ADGRD1: variants seen among roughly 807,000 people sequenced by gnomAD.
ADGRD1 encodes adhesion G protein-coupled receptor D1.
In ADGRD1, 77 loss-of-function variants were observed where a neutral mutation model predicts 113.4. That is an observed-to-expected ratio of 0.68 (90% CI 0.57 to 0.82). The LOEUF (loss-of-function observed/expected upper bound fraction) is 0.82, where lower values mean the gene tolerates loss of function less well. Among genes scored for constraint, ADGRD1 ranks in the 40% least tolerant of loss-of-function variants. The pLI, the probability that ADGRD1 is intolerant of heterozygous loss-of-function variation, is 0.00. For synonymous variants in ADGRD1, 474 were observed against 475.0 expected (o/e 1.00, Z 0.03); for missense variants, 1,036 against 1,139.1 (o/e 0.91, Z 1.30).
rs773655525 is a variant in ADGRD1 at position 131,105,775 on chromosome 12, C to T, written c.1797C>T (p.Asn599=). ...AVLSSVSTIR[N]QRYHIHANLS... ...TCAGCTCCGTGAGCACCATCCGGAA[C>T]CAGCGCTACCACATCCACGCCAACC... Residue 599 remains asparagine, a synonymous_variant, in exon 17 of 25, where the codon AAC becomes AAT. Transcript: ENST00000261654. 9 of 1,601,418 alleles carry T rather than the reference C, an allele frequency of 5.6e-6. No homozygotes were observed. In the Admixed American group the frequency reaches 1.5e-4, roughly 27 times the overall value.
chr12:131,094,051 C>T (rs1887106946), intron 15 of ADGRD1, among the ~76,000 whole-genome samples: 1 of 150,794 alleles, frequency 6.6e-6, no homozygotes, highest in South Asian at 2.1e-4. Flanking sequence ...AGTCCCCAGC[C>T]TCAGCACCCA....
chr12:130,980,555 AC>A (rs1274416795), intron 4 of ADGRD1: 1 of 151,298 alleles, frequency 6.6e-6, no homozygotes, highest in Non-Finnish European at 1.5e-5. Context: ...ATGCCACCAC[AC>A]CCGGCCAATT....
chr12:131,070,034 G>A (rs781717366), intron 13 of ADGRD1: 2 of 152,188 alleles, frequency 1.3e-5, no homozygotes, highest in African/African-American at 2.4e-5. Flanking sequence ...CTATTCCCAC[G>A]GAGATGAAGC....
intron 21 of ADGRD1, among the ~76,000 whole-genome samples, chr12:131,135,379 G>T (rs1191697250): frequency 6.6e-6 from 1 of 152,202 alleles, no homozygotes; most frequent in Non-Finnish European, 1.5e-5. Context: ...GATGGGGCTG[G>T]TGTGTTCAGC....
At chr12:131,130,742 GC>G (rs1438999592) in intron 20 of ADGRD1, among the ~76,000 whole-genome samples, 1 of 151,114 alleles carries the variant, frequency 6.6e-6, no homozygotes, top group Non-Finnish European at 1.5e-5. Flanking sequence ...AGCGAGGCCG[GC>G]CCATCCCGTG....
chr12:130,982,772 C>CG (rs1034775763), intron 5 of ADGRD1, among the ~76,000 whole-genome samples: 5 of 152,008 alleles, frequency 3.3e-5, no homozygotes, highest in African/African-American at 1.2e-4. Context: ...GAGACATGGA[C>CG]GTGGGGCAGT....
chr12:131,134,231 C>T (rs965594163), intron 21 of ADGRD1, among the ~76,000 whole-genome samples: 1 of 152,176 alleles, frequency 6.6e-6, no homozygotes, highest in Non-Finnish European at 1.5e-5. Context: ...CCCCCTAGGC[C>T]AGGGCCAACC....
Position 131,138,227 on chromosome 12 carries a change from C to T in ADGRD1, c.2527C>T (p.Leu843Phe), listed in dbSNP as rs1316935707. The change falls in exon 24 of 25, where the codon CTC becomes TTC. Residue 843 changes from leucine to phenylalanine, a missense_variant and splice_region_variant. Coordinates refer to ENST00000261654, the MANE Select transcript of ADGRD1 (RefSeq NM_198827.5). ...TSNAKPFHSDLMNGTRPGMAS... is the reference protein window; with the variant it reads ...TSNAKPFHSDFMNGTRPGMAS... Reference sequence around the variant, plus strand: ...CAACGCGAAGCCCTTCCACTCGGACCTCGTGAGTGCAGCCTCCATAAACCG... The same window carrying T: ...CAACGCGAAGCCCTTCCACTCGGACTTCGTGAGTGCAGCCTCCATAAACCG... The T allele has an allele frequency of 6.2e-7, 1 of 1,612,184 alleles. No individual in the cohort carries two copies. The highest frequency in any genetic ancestry group is 8.5e-7 in the Non-Finnish European group (1 of 1,178,908).
intron 4 of ADGRD1, among the ~76,000 whole-genome samples, chr12:130,974,708 A>AT (rs1240465687): frequency 2.0e-5 from 3 of 152,110 alleles, no homozygotes; most frequent in East Asian, 1.9e-4. Flanking sequence ...ATTTTCAGCG[A>AT]TTTTTTAACA....
intron 9 of ADGRD1, among the ~76,000 whole-genome samples, chr12:131,002,185 T>TA (rs34926276): frequency 0.48 from 72,777 of 152,112 alleles, 17,960 homozygotes; most frequent in African/African-American, 0.57. Flanking sequence ...TGCATGATTT[T>TA]AATTAACTGC....
intron 15 of ADGRD1, among the ~76,000 whole-genome samples, chr12:131,094,284 G>T (rs1887127082): frequency 6.6e-6 from 1 of 152,178 alleles, no homozygotes; most frequent in African/African-American, 2.4e-5. Context: ...AGTGGGAGTG[G>T]GGTGGGGTGG....
intron 16 of ADGRD1, 119 bp from the exon 17 acceptor site, chr12:131,105,635 G>T: frequency 2.8e-6 from 2 of 703,368 alleles, no homozygotes; most frequent in South Asian, 3.4e-5. Context: ...GGGAGTGACA[G>T]CAACCCCTCT....
chr12:131,018,616 GT>G (rs1310047986), intron 13 of ADGRD1, among the ~76,000 whole-genome samples: 16 of 152,342 alleles, frequency 1.1e-4, no homozygotes, highest in African/African-American at 3.8e-4. Context: ...GCTTGAGTCA[GT>G]TATGACCGGT....
intron 13 of ADGRD1, chr12:131,070,728 C>G (rs1250563818): frequency 2.1e-6 from 1 of 475,990 alleles, no homozygotes; most frequent in Non-Finnish European, 4.3e-6. Context: ...GCTCCACCCA[C>G]AGCACTATCC....
rs1365342160 is a variant in ADGRD1, at chr12:131,041,697, G to A, written c.1473+27357G>A. On this transcript the variant is annotated intron_variant, in intron 13 of 24. Transcript: ENST00000261654. This position sits in a 1 kb window ranked among gnomAD's most constrained non-coding sequence, Gnocchi z 4.4. ...CCAGGTGCCAGAGTGGACATGTCAT[G>A]CATGAATCAGGGAGCAGTTCCCGGG... Among the ~76,000 whole-genome samples, 1 of 152,198 alleles carries A rather than the reference G, an allele frequency of 6.6e-6. No individual in the cohort carries two copies. The highest frequency in any genetic ancestry group is 1.5e-5 in the Non-Finnish European group (1 of 68,028).
At chr12:131,121,262 C>T (rs747207919) in intron 20 of ADGRD1, among the ~76,000 whole-genome samples, 6 of 152,248 alleles carry the variant, frequency 3.9e-5, no homozygotes, top group Non-Finnish European at 5.9e-5. Flanking sequence ...GCTCAGGAGT[C>T]ACCAGGACTC....
At chr12:131,110,193 T>C (rs1950319317) in intron 18 of ADGRD1, among the ~76,000 whole-genome samples, 1 of 152,244 alleles carries the variant, frequency 6.6e-6, no homozygotes, top group African/African-American at 2.4e-5. Context: ...CTTTCCCATG[T>C]AATGTTATGA....
intron 13 of ADGRD1, among the ~76,000 whole-genome samples, chr12:131,031,293 C>T (rs560925496): frequency 1.3e-4 from 20 of 152,318 alleles, no homozygotes; most frequent in South Asian, 6.2e-4. Flanking sequence ...TGCCCTGGTG[C>T]GGCTCAAACA....
At chr12:131,091,427 C>A (rs1290019566) in intron 15 of ADGRD1, among the ~76,000 whole-genome samples, 2 of 152,124 alleles carry the variant, frequency 1.3e-5, no homozygotes, top group Admixed American at 1.3e-4. Flanking sequence ...CATCTCTATA[C>A]TAAAAGAGGA....
Sources: allele counts gnomAD v4.1 joint callset (sites outside exome capture counted in the v4.1 genomes callset), GRCh38; gene constraint gnomAD v4.1.1; non-coding constraint Gnocchi (gnomAD v3.1); transcripts MANE v1.5; gene names NCBI Gene and HGNC (gene_info 2026-07-23, HGNC 2026-07-21).